Variants in PLCXD3 observed in about 807,000 individuals in gnomAD.
The protein encoded by PLCXD3 is phosphatidylinositol specific phospholipase C X domain containing 3, also known as PI-PLC X domain-containing protein 3.
A neutral mutation model predicts 25.5 loss-of-function variants in PLCXD3; 19 were observed. The ratio of observed to expected loss-of-function variants is 0.75; its 90% CI spans 0.52 to 1.09. PLCXD3 has a LOEUF of 1.09. PLCXD3 is among the 50% of genes least tolerant of loss of function. The probability of loss-of-function intolerance (pLI) is 0.00; values close to 1 mark genes in which losing one functional copy is unlikely to be tolerated. For synonymous variants in PLCXD3, 174 were observed against 137.6 expected (o/e 1.26, Z -1.85); for missense variants, 411 against 388.1 (o/e 1.06, Z -0.50).
chr5:41,312,274 A>C lies in PLCXD3; in HGVS notation c.*1343T>G, dbSNP rs568649477. The stretch of plus-strand genomic sequence containing the variant: ...ATCCCTCGGATAGGATGAAACTCAG[A>C]AGTGAGGAGTCAGAGCCAATTTTAA... On this transcript the variant is annotated 3_prime_UTR_variant, in exon 3 of 3. Coordinates refer to ENST00000377801, the MANE Select transcript of PLCXD3 (RefSeq NM_001005473.3). 1.3e-5 allele frequency: 2 copies of C among 152,612 alleles called. No individual in the cohort carries two copies. Among genetic ancestry groups the C allele is most frequent in the African/African-American group, 4.8e-5 (2 of 41,534 alleles). The allele number at this position is 152,612 out of a possible 1,614,324, so 9.5% of individuals were successfully genotyped here.
At chr5:41,439,287 C>G (rs1368290606) in intron 1 of PLCXD3, among the ~76,000 whole-genome samples, 1 of 152,088 alleles carries the variant, frequency 6.6e-6, no homozygotes, top group Non-Finnish European at 1.5e-5. Flanking sequence ...CTTGCCTATC[C>G]AACATTTATT....
chr5:41,491,852 GA>G (rs1248571601), intron 1 of PLCXD3, among the ~76,000 whole-genome samples: 1 of 152,086 alleles, frequency 6.6e-6, no homozygotes, highest in East Asian at 1.9e-4. Flanking sequence ...TGGGTTTCCT[GA>G]ATACAGCACA....
Position 41,438,787 on chromosome 5 carries a change from T to G in PLCXD3, c.104-56253A>C, listed in dbSNP as rs1232960753. On this transcript the variant is annotated intron_variant, in intron 1 of 2. Transcript: ENST00000377801. The stretch of plus-strand genomic sequence containing the variant: ...TCCTTTGGAGCTTATTATTTAGTCC[T>G]TACCCTGTCATTAGGAAAAAAAAAA... Among the ~76,000 whole-genome samples, 6 of 147,080 alleles carry G rather than the reference T, an allele frequency of 4.1e-5. No homozygotes were observed. In the South Asian group the frequency reaches 1.1e-3, roughly 27 times the overall value.
chr5:41,375,399 G>C lies in PLCXD3; in HGVS notation c.812+6427C>G, dbSNP rs1399946462. On this transcript the variant is annotated intron_variant, in intron 2 of 2. Transcript: ENST00000377801. ...ATCCTCTGGCCTTATCCCTCTCTGG[G>C]GTGTCTCTTCTTTTGACTGGGAGCC... Among the ~76,000 whole-genome samples the C allele has an allele frequency of 3.3e-5, 5 of 151,990 alleles. No individual in the cohort carries two copies. The East Asian group carries it at 7.7e-4, about 24-fold the overall frequency.
At chr5:41,412,625 T>G (rs1489826385) in intron 1 of PLCXD3, among the ~76,000 whole-genome samples, 2 of 152,344 alleles carry the variant, frequency 1.3e-5, no homozygotes, top group South Asian at 4.1e-4. Flanking sequence ...GTTTTCAGTC[T>G]GCACCCCTCC....
intron 1 of PLCXD3, among the ~76,000 whole-genome samples, chr5:41,502,196 A>G (rs13162602): frequency 7.0e-4 from 106 of 152,230 alleles, no homozygotes; most frequent in Non-Finnish European, 1.2e-3. Context: ...GAGCAGGTCT[A>G]GATCTTCCTC....
intron 1 of PLCXD3, among the ~76,000 whole-genome samples, chr5:41,464,309 T>C (rs1046590308): frequency 6.6e-6 from 1 of 152,048 alleles, no homozygotes; most frequent in African/African-American, 2.4e-5. Flanking sequence ...TCCTAAGAAA[T>C]AAACATCAGT....
At chr5:41,396,152 C>T (rs1477271404) in intron 1 of PLCXD3, among the ~76,000 whole-genome samples, 1 of 152,150 alleles carries the variant, frequency 6.6e-6, no homozygotes, top group African/African-American at 2.4e-5. Context: ...AATGGTTTGG[C>T]TGTGTCCCCA....
At chr5:41,392,364 A>G (rs1025527182) in intron 1 of PLCXD3, among the ~76,000 whole-genome samples, 9 of 152,190 alleles carry the variant, frequency 5.9e-5, no homozygotes, top group African/African-American at 2.2e-4. Flanking sequence ...AAAGAGAGAG[A>G]GAGACTCTGT....
intron 1 of PLCXD3, among the ~76,000 whole-genome samples, chr5:41,392,934 A>G (rs1745880483): frequency 6.6e-6 from 1 of 152,222 alleles, no homozygotes; most frequent in African/African-American, 2.4e-5. Context: ...TAAAGAATGC[A>G]TCGGGATCCT....
intron 1 of PLCXD3, among the ~76,000 whole-genome samples, chr5:41,387,515 G>A (rs977506498): frequency 2.0e-5 from 3 of 152,050 alleles, no homozygotes; most frequent in African/African-American, 7.2e-5. Context: ...GAAAATTATT[G>A]CAAGTATTCT....
intron 1 of PLCXD3, among the ~76,000 whole-genome samples, chr5:41,486,061 T>A (rs919905804): frequency 6.6e-6 from 1 of 152,100 alleles, no homozygotes; most frequent in Non-Finnish European, 1.5e-5. Context: ...CAGGAAGAAT[T>A]CCATGGAACC....
chr5:41,402,229 C>G (rs1746207257), intron 1 of PLCXD3, among the ~76,000 whole-genome samples: 1 of 151,524 alleles, frequency 6.6e-6, no homozygotes, highest in Non-Finnish European at 1.5e-5. Context: ...TTAATGATAG[C>G]TTTTTCTCTA....
chr5:41,450,254 C>T (rs1383805783), intron 1 of PLCXD3, among the ~76,000 whole-genome samples: 1 of 152,044 alleles, frequency 6.6e-6, no homozygotes, highest in Non-Finnish European at 1.5e-5. Context: ...GATTTTCTTG[C>T]AAGTCTGAAT....
intron 1 of PLCXD3, among the ~76,000 whole-genome samples, chr5:41,493,126 T>C (rs1748742539): frequency 6.6e-6 from 1 of 152,232 alleles, no homozygotes; most frequent in Non-Finnish European, 1.5e-5. Context: ...ATGTCCTTTC[T>C]GTTTGTTAGT....
chr5:41,389,224 G>T (rs1226589399), intron 1 of PLCXD3, among the ~76,000 whole-genome samples: 1 of 151,976 alleles, frequency 6.6e-6, no homozygotes, highest in Non-Finnish European at 1.5e-5. Flanking sequence ...GAAATAAAAC[G>T]TACTGAAAAA....
intron 1 of PLCXD3, among the ~76,000 whole-genome samples, chr5:41,447,787 G>A (rs184974354): frequency 4.1e-4 from 63 of 152,302 alleles, no homozygotes; most frequent in Non-Finnish European, 7.6e-4. Context: ...ATCTGCTTAG[G>A]TAAGGCTGAC....
chr5:41,440,215 ATTTTTTTTTTTTTTTTTTTTT>A (rs70988846), intron 1 of PLCXD3, among the ~76,000 whole-genome samples: 8 of 41,062 alleles, frequency 1.9e-4, no homozygotes, highest in South Asian at 2.1e-3. Flanking sequence ...TAATCTCTCA[ATTTTTTTTTTTTTTTTTTTTT>A]TTTTTTTTTT....
intron 1 of PLCXD3, among the ~76,000 whole-genome samples, chr5:41,403,973 A>G (rs1746279049): frequency 6.6e-6 from 1 of 152,180 alleles, no homozygotes; most frequent in African/African-American, 2.4e-5. Context: ...TCTTTTTAAA[A>G]ATCAAAGACA....
Sources: allele counts gnomAD v4.1 joint callset (sites outside exome capture counted in the v4.1 genomes callset), GRCh38; gene constraint gnomAD v4.1.1; transcripts MANE v1.5; gene names NCBI Gene and HGNC (gene_info 2026-07-23, HGNC 2026-07-21).